Variants in SOX6 observed in about 807,000 individuals in gnomAD.
The protein encoded by SOX6 is SRY-box transcription factor 6, also known as transcription factor SOX-6.
Under a neutral mutation model 97.8 loss-of-function variants are expected in SOX6, and 11 were observed. The ratio of observed to expected loss-of-function variants is 0.11; its 90% CI spans 0.07 to 0.19. The LOEUF (loss-of-function observed/expected upper bound fraction) is 0.19. Among genes scored for constraint, SOX6 ranks in the 10% least tolerant of loss-of-function variants. The probability of loss-of-function intolerance (pLI) is 1.00; values close to 1 mark genes in which losing one functional copy is unlikely to be tolerated. For synonymous variants in SOX6, 360 were observed against 371.4 expected, an observed-to-expected ratio of 0.97 and a Z score of 0.35; for missense variants, 810 against 1,039.5, an observed-to-expected ratio of 0.78 and a Z score of 3.04.
chr11:16,201,934 G>A (rs1322289725), intron 4 of SOX6, among the ~76,000 whole-genome samples: 2 of 151,902 alleles, frequency 1.3e-5, no homozygotes, highest in East Asian at 3.9e-4. Flanking sequence ...CGCCCGGCCT[G>A]CAAAGTATTT....
chr11:16,524,814 A>T (rs182288157), intron 4 of SOX6, among the ~76,000 whole-genome samples: 16,025 of 152,250 alleles, frequency 0.11, 909 homozygotes, highest in Non-Finnish European at 0.14. Flanking sequence ...TGCAAAAATC[A>T]CAAGCATTCT....
At chr11:16,556,149 A>T (rs1182936264) in intron 4 of SOX6, among the ~76,000 whole-genome samples, 4 of 151,738 alleles carry the variant, frequency 2.6e-5, no homozygotes, top group Non-Finnish European at 5.9e-5. Flanking sequence ...CCAGTAACAC[A>T]TTCAAGTTGC....
intron 12 of SOX6, among the ~76,000 whole-genome samples, chr11:16,042,043 T>C (rs1339917817): frequency 6.6e-6 from 1 of 152,226 alleles, no homozygotes; most frequent in Non-Finnish European, 1.5e-5. Flanking sequence ...GAGCAAGCTA[T>C]ATGCTGTACA....
chr11:16,334,515 T>A lies in SOX6; in HGVS notation c.237+6497A>T, dbSNP rs539045498. ...CAATGTCGGCTCACTGTAACCTCCA[T>A]CTCCCAGGTTCAAGCGATTCTCCTG... On this transcript the variant is annotated intron_variant, in intron 2 of 15. Transcript: ENST00000683767. 2.4e-4 allele frequency among the ~76,000 whole-genome samples: 37 copies of A among 151,670 alleles called. No homozygotes were observed. The South Asian group carries it at 7.7e-3, about 32-fold the overall frequency.
intron 1 of SOX6, among the ~76,000 whole-genome samples, chr11:16,398,776 G>C (rs1325761977): frequency 6.7e-6 from 1 of 149,642 alleles, no homozygotes; most frequent in African/African-American, 2.5e-5. Context: ...GCTACAAAAG[G>C]CCATGTTCAT....
intron 3 of SOX6, among the ~76,000 whole-genome samples, chr11:16,644,069 C>T (rs1252762075): frequency 6.6e-6 from 1 of 151,228 alleles, no homozygotes. Flanking sequence ...GACATAGGGT[C>T]TCATTCTGTC....
At chr11:16,100,545 A>G in intron 7 of SOX6, among the ~76,000 whole-genome samples, 1 of 151,734 alleles carries the variant, frequency 6.6e-6, no homozygotes, top group East Asian at 1.9e-4. Flanking sequence ...AATAGGCAGC[A>G]TTCCTTTGGA....
chr11:16,011,782 G>A (rs1466798175), intron 13 of SOX6, among the ~76,000 whole-genome samples: 1 of 152,022 alleles, frequency 6.6e-6, no homozygotes, highest in Non-Finnish European at 1.5e-5. Context: ...TAAAATTGCT[G>A]TTCCAAAGCC....
At chr11:16,267,870 A>G (rs1854129814) in intron 3 of SOX6, among the ~76,000 whole-genome samples, 1 of 151,664 alleles carries the variant, frequency 6.6e-6, no homozygotes, top group Admixed American at 6.6e-5. Flanking sequence ...CAGCCTTAAT[A>G]AAGGAAGAAA....
At chr11:16,071,893 A>G (rs1290763511) in intron 9 of SOX6, among the ~76,000 whole-genome samples, 1 of 151,650 alleles carries the variant, frequency 6.6e-6, no homozygotes, top group African/African-American at 2.4e-5. Flanking sequence ...CCAACCCCCA[A>G]GGGCATCTAA....
At chr11:16,164,594 C>A (rs559711272) in intron 6 of SOX6, among the ~76,000 whole-genome samples, 2 of 151,990 alleles carry the variant, frequency 1.3e-5, no homozygotes, top group Non-Finnish European at 2.9e-5. Flanking sequence ...GAGGCCGAGG[C>A]GGGCGGATCA....
Position 16,097,672 on chromosome 11 carries a change from T to C in SOX6, c.915A>G (p.Val305=), listed in dbSNP as rs778593289. 3.7e-6 allele frequency: 6 copies of C among 1,610,950 alleles called. No homozygotes were observed. The highest frequency in any genetic ancestry group is 2.7e-5 in the African/African-American group (2 of 74,704). ...CTGCCATTGTTGATGGAATGAACTG[T>C]ACGGGGTAGTTATCACCTGTCGGAA... ...ITYKPGDNYP[V]QFIPSTMAAA... Residue 305 remains valine (V), a synonymous_variant, in exon 8 of 16, where the codon GTA becomes GTG. Transcript: ENST00000683767.
intron 3 of SOX6, among the ~76,000 whole-genome samples, chr11:16,248,279 G>A (rs555225142): frequency 1.1e-4 from 10 of 88,546 alleles, no homozygotes; most frequent in South Asian, 8.2e-4. Flanking sequence ...GCAAGCTGTC[G>A]GTGGATCTAC....
At chr11:16,618,685 C>T (rs1848501662) in intron 3 of SOX6, among the ~76,000 whole-genome samples, 1 of 151,654 alleles carries the variant, frequency 6.6e-6, no homozygotes, top group Non-Finnish European at 1.5e-5. Flanking sequence ...AAGGAAGAGC[C>T]GGATAACTGC....
At chr11:16,161,174 T>C (rs866649333) in intron 6 of SOX6, among the ~76,000 whole-genome samples, 9 of 152,108 alleles carry the variant, frequency 5.9e-5, no homozygotes, top group African/African-American at 2.2e-4. Flanking sequence ...GGACAAGAAG[T>C]TGGGAAAAGA....
intron 2 of SOX6, among the ~76,000 whole-genome samples, chr11:16,719,663 C>T (rs976080874): frequency 7.9e-5 from 12 of 152,186 alleles, no homozygotes; most frequent in Admixed American, 7.9e-4. Context: ...GTGGCTCACA[C>T]CTGTAATGCC....
At chr11:16,516,373 G>T (rs887999491) in intron 4 of SOX6, among the ~76,000 whole-genome samples, 1 of 152,148 alleles carries the variant, frequency 6.6e-6, no homozygotes, top group Non-Finnish European at 1.5e-5. Flanking sequence ...GTATAAGAAT[G>T]CTTGTGATTT....
chr11:16,568,176 ATC>A (rs1367567389), intron 4 of SOX6, among the ~76,000 whole-genome samples: 3 of 152,204 alleles, frequency 2.0e-5, no homozygotes, highest in African/African-American at 7.2e-5. Flanking sequence ...TCCCCAAGAT[ATC>A]TCATTATGTA....
intron 1 of SOX6, among the ~76,000 whole-genome samples, chr11:16,457,930 A>C (rs1367267352): frequency 1.3e-5 from 2 of 152,034 alleles, no homozygotes; most frequent in Non-Finnish European, 2.9e-5. Flanking sequence ...TCATTGACAC[A>C]TCACAATATA....
Sources: gnomAD v4.1 joint callset for allele counts (sites outside exome capture counted in the v4.1 genomes callset) on GRCh38, gnomAD v4.1.1 for gene constraint, MANE v1.5 for transcripts, NCBI Gene and HGNC (gene_info 2026-07-23, HGNC 2026-07-21) for gene names.